CES5A: variants seen among roughly 807,000 people sequenced by gnomAD.
CES5A encodes the protein carboxylesterase 5A, also known as carboxylesterase 5.
In CES5A, 67 loss-of-function variants were observed where a neutral mutation model predicts 62.9. The ratio of observed to expected loss-of-function variants is 1.07; its 90% CI spans 0.88 to 1.31. The LOEUF (loss-of-function observed/expected upper bound fraction) is 1.31. Among genes scored for constraint, CES5A ranks in the 50% most tolerant of loss-of-function variants. The pLI is 0.00. For synonymous variants in CES5A, 296 were observed against 280.8 expected, an observed-to-expected ratio of 1.05 and a Z score of -0.54; for missense variants, 748 against 708.5, an observed-to-expected ratio of 1.06 and a Z score of -0.63.
At chr16:55,902,833 T>C (rs72810525) in intron 1 of CES5A, among the ~76,000 whole-genome samples, 22,419 of 152,098 alleles carry the variant, frequency 0.15, 1,726 homozygotes, top group South Asian at 0.17. Flanking sequence ...TTACAACACA[T>C]GTGCCTGGAG....
At chr16:55,869,893 T>TTAA in intron 3 of CES5A, 149 bp from the exon 4 acceptor site, 1 of 1,145,040 alleles carries the variant, frequency 8.7e-7, no homozygotes. Flanking sequence ...AGGCCCAGGG[T>TTAA]TAAGCATGTG....
intron 1 of CES5A, among the ~76,000 whole-genome samples, chr16:55,912,205 C>T (rs1450652802): frequency 2.0e-5 from 3 of 152,196 alleles, no homozygotes; most frequent in African/African-American, 7.2e-5. Context: ...GTCATCTTCT[C>T]GCTGTCGTCA....
In CES5A at chr16:55,919,079, G is replaced by C. The variant is rs549567669; in HGVS notation, c.-256+6244C>G. Among the ~76,000 whole-genome samples, 32 of 152,040 alleles carry C rather than the reference G, an allele frequency of 2.1e-4. 1 individual carries two copies. Among genetic ancestry groups the C allele is most frequent in the Admixed American group, 2.1e-3 (32 of 15,266 alleles). ...TATCTACCCCACTCCATCTCTAATC[G>C]GCTGAGACCCAACTCTCAGCCACAT... On this transcript the variant is annotated intron_variant, in intron 1 of 12. Transcript: ENST00000518005.
At chr16:55,955,672 C>T (rs1231487285) in intron 1 of CES5A, among the ~76,000 whole-genome samples, 1 of 152,196 alleles carries the variant, frequency 6.6e-6, no homozygotes, top group Non-Finnish European at 1.5e-5. Context: ...GTTCCTTAGC[C>T]CAGCCCTGGG....
chr16:55,934,002 T>C (rs1373453874), intron 2 of CES5A, among the ~76,000 whole-genome samples: 2 of 152,032 alleles, frequency 1.3e-5, no homozygotes, highest in African/African-American at 4.8e-5. Context: ...GGTTCTTGTC[T>C]CAGGGCCCTT....
upstream of CES5A, among the ~76,000 whole-genome samples, chr16:55,925,881 T>C (rs759299073): frequency 1.3e-5 from 2 of 151,992 alleles, no homozygotes; most frequent in Non-Finnish European, 2.9e-5. Context: ...ATTTCCAAAC[T>C]ATACACCTGA....
At chr16:55,881,707 T>A (rs2033763865) in intron 1 of CES5A, among the ~76,000 whole-genome samples, 1 of 152,204 alleles carries the variant, frequency 6.6e-6, no homozygotes, top group Non-Finnish European at 1.5e-5. Flanking sequence ...CCTGATAATG[T>A]TTCCTGAGAG....
chr16:55,869,119 G>A (rs1337513491), intron 4 of CES5A, among the ~76,000 whole-genome samples: 7 of 152,198 alleles, frequency 4.6e-5, no homozygotes, highest in African/African-American at 1.4e-4. Context: ...GTTCTTCCAG[G>A]GCACACAGTG....
At chr16:55,955,824 AC>A in intron 1 of CES5A, 1 of 1,535,688 alleles carries the variant, frequency 6.5e-7, no homozygotes, top group African/African-American at 1.4e-5. Flanking sequence ...AGGCAGTAGC[AC>A]CCTGTGGCTA....
chr16:55,853,650 C>T (rs553404545), intron 9 of CES5A, among the ~76,000 whole-genome samples: 19 of 152,124 alleles, frequency 1.2e-4, no homozygotes, highest in Non-Finnish European at 2.5e-4. Flanking sequence ...TGCTGCTTGC[C>T]CCAGAGCAGT....
chr16:55,884,054 A>G (rs1289800186), intron 1 of CES5A, among the ~76,000 whole-genome samples: 3 of 152,240 alleles, frequency 2.0e-5, no homozygotes, highest in African/African-American at 7.2e-5. Flanking sequence ...AGTCACCCAA[A>G]TAAACAACCA....
At chr16:55,949,772 T>C in intron 2 of CES5A, 1 of 1,365,804 alleles carries the variant, frequency 7.3e-7, no homozygotes, top group Non-Finnish European at 9.8e-7. Context: ...TAAATTCTTG[T>C]CAAACAACTC....
rs186973306 is a variant in CES5A, at chr16:55,919,116, C to G, written c.-256+6207G>C. On this transcript the variant is annotated intron_variant, in intron 1 of 12. Coordinates refer to the CES5A transcript ENST00000518005. The stretch of plus-strand genomic sequence containing the variant: ...ACTCTCAGCCACATAGAGTCAGTCA[C>G]AGAAGGCTGAGGGCTGGGCACCAAG... Among the ~76,000 whole-genome samples, 96 of 152,332 alleles carry G rather than the reference C, an allele frequency of 6.3e-4. 2 individuals carry two copies. The highest frequency in any genetic ancestry group is 5.7e-3 in the Admixed American group (88 of 15,308).
At chr16:55,953,856 C>T (rs1221150636) in intron 1 of CES5A, among the ~76,000 whole-genome samples, 1 of 152,126 alleles carries the variant, frequency 6.6e-6, no homozygotes, top group Admixed American at 6.5e-5. Flanking sequence ...GGGTGTCCAT[C>T]ACCTCAAGCA....
intron 1 of CES5A, among the ~76,000 whole-genome samples, chr16:55,901,515 GCCCAACCATA>G (rs1470644380): frequency 2.0e-5 from 3 of 152,188 alleles, no homozygotes; most frequent in Non-Finnish European, 4.4e-5. Context: ...ACACAAGGCT[GCCCAACCATA>G]CAGTTTGGGA....
At chr16:55,947,976 T>C (rs747975199) in intron 2 of CES5A, among the ~76,000 whole-genome samples, 3 of 151,920 alleles carry the variant, frequency 2.0e-5, no homozygotes, top group Non-Finnish European at 2.9e-5. Context: ...TTTTAAAAGA[T>C]CCTTTTCACT....
intron 11 of CES5A, among the ~76,000 whole-genome samples, chr16:55,848,612 A>G (rs2033065281): frequency 1.3e-5 from 2 of 152,134 alleles, no homozygotes; most frequent in African/African-American, 4.8e-5. Flanking sequence ...TTTAGAAGCC[A>G]CTTGTGTTTT....
chr16:55,858,689 C>T (rs1379089504), intron 8 of CES5A, among the ~76,000 whole-genome samples: 3 of 152,206 alleles, frequency 2.0e-5, no homozygotes, highest in Non-Finnish European at 4.4e-5. Context: ...TTTCTTAACC[C>T]TATTTCCTCC....
At chr16:55,929,768 T>C (rs1567358496), upstream of CES5A, among the ~76,000 whole-genome samples, 1 of 152,250 alleles carries the variant, frequency 6.6e-6, no homozygotes, top group Non-Finnish European at 1.5e-5. Flanking sequence ...GCTGTCTTTA[T>C]TGAAAATGTT....
Sources: gnomAD v4.1 joint callset for allele counts (sites outside exome capture counted in the v4.1 genomes callset) on GRCh38, gnomAD v4.1.1 for gene constraint, MANE v1.5 for transcripts, NCBI Gene and HGNC (gene_info 2026-07-23, HGNC 2026-07-21) for gene names.